PLA2G4B: variants seen among roughly 807,000 people sequenced by gnomAD.
The protein encoded by PLA2G4B is phospholipase A2 group IVB, also known as cytosolic phospholipase A2 beta.
Under a neutral mutation model 95.8 loss-of-function variants are expected in PLA2G4B, and 122 were observed. The observed-to-expected ratio is 1.27, with a 90% CI of 1.10 to 1.48. The LOEUF is 1.48. Among genes scored for constraint, PLA2G4B ranks in the 40% most tolerant of loss-of-function variants. The probability of loss-of-function intolerance (pLI) is 0.00; values close to 1 mark genes in which losing one functional copy is unlikely to be tolerated. For missense variants in PLA2G4B, 1,158 were observed against 996.2 expected (o/e 1.16, Z -2.19); for synonymous variants, 518 against 421.5 (o/e 1.23, Z -2.80).
Position 41,847,233 on chromosome 15 carries a change from C to T in PLA2G4B, c.1948-104C>T, listed in dbSNP as rs138283756. ...TGGCTTCATAGGCCCCACTGGAGAC[C>T]GTTTTGGCATTTGAGCCCCAGGTCC... On this transcript the variant is annotated intron_variant, in intron 18 of 19. Transcript: ENST00000458483. The T allele has an allele frequency of 2.0e-4, 290 of 1,480,778 alleles. No homozygotes were observed. In the African/African-American group the frequency reaches 3.2e-3, roughly 16 times the overall value. The allele number at this position is 1,480,778 out of a possible 1,614,324, so 91.7% of individuals were successfully genotyped here.
In PLA2G4B at chr15:41,843,712, C is replaced by A; in HGVS notation, c.780C>A (p.Pro260=). 1 of 1,613,974 alleles carries A rather than the reference C, an allele frequency of 6.2e-7. No individual in the cohort carries two copies. The highest frequency in any genetic ancestry group is 2.2e-5 in the East Asian group (1 of 44,876). Residue 260 remains proline (P), a synonymous_variant, in exon 11 of 20, where the codon CCC becomes CCA. Coordinates refer to ENST00000458483, the MANE Select transcript of PLA2G4B (RefSeq NM_001114633.2). The part of the protein sequence containing the change: ...RELAVRLGFG[P]CAEEQAFLSR... ...TGGCCGTGCGACTGGGCTTCGGGCC[C>A]TGTGCAGAGGAGCAGGCCTTCCTGA...
chr15:41,846,542 C>T, intron 17 of PLA2G4B, 127 bp from the exon 18 acceptor site: 1 of 1,507,404 alleles, frequency 6.6e-7, no homozygotes, highest in Non-Finnish European at 8.9e-7. Context: ...ACCCAGGGCC[C>T]ACCTGCAGGG....
rs1595424455 is a variant in PLA2G4B at position 41,845,777 on chromosome 15, T to G, written c.1495+2T>G. The G allele has an allele frequency of 6.3e-7, 1 of 1,590,548 alleles. No individual in the cohort carries two copies. The highest frequency in any genetic ancestry group is 8.6e-7 in the Non-Finnish European group (1 of 1,167,518). On this transcript the variant is annotated splice_donor_variant, in intron 15 of 19. Transcript: ENST00000458483. LOFTEE classifies it high-confidence loss of function. Reference sequence around the variant, plus strand: ...AGTCCCGCATCTGCTTCTTAGAAGGTGAGGGGCACTGGCAGGCTGGGGAAG... The same window carrying G: ...AGTCCCGCATCTGCTTCTTAGAAGGGGAGGGGCACTGGCAGGCTGGGGAAG...
In PLA2G4B at chr15:41,847,774, C is replaced by T. The variant is rs2140901441; in HGVS notation, c.2260C>T (p.His754Tyr). 2 of 1,613,720 alleles carry T rather than the reference C, an allele frequency of 1.2e-6. No individual in the cohort carries two copies. The highest frequency in any genetic ancestry group is 1.3e-5 in the African/African-American group (1 of 75,072). ...CGTGGACAAGCTGCTGCACCTGACA[C>T]ATTACAATGTCTGCAACAACCAGGA... is the stretch of plus-strand genomic sequence containing the variant. ...EDVDKLLHLT[H>Y]YNVCNNQEQL... is the part of the protein sequence containing the mutation. The change falls in exon 20 of 20, where the codon CAT (histidine) becomes TAT (tyrosine). Residue 754 changes from histidine (H) to tyrosine (Y), a missense_variant. Physicochemically the swap from His to Tyr is moderately conservative, Grantham distance 83. Coordinates refer to ENST00000458483, the MANE Select transcript of PLA2G4B (RefSeq NM_001114633.2).
chr15:41,847,952 C>T lies in PLA2G4B; in HGVS notation c.*92C>T, dbSNP rs186905161. ...GTCATCACGCAGTGCTTCAGAGCCT[C>T]GGGCTCAGGTGGCACGGTCCCAGGG... On this transcript the variant is annotated 3_prime_UTR_variant, in exon 20 of 20. Coordinates refer to ENST00000458483, the MANE Select transcript of PLA2G4B (RefSeq NM_001114633.2). The T allele has an allele frequency of 3.7e-4, 551 of 1,485,326 alleles. No individual in the cohort carries two copies. Among genetic ancestry groups the T allele is most frequent in the Admixed American group, 7.5e-4 (37 of 49,092 alleles). The allele number at this position is 1,485,326 out of a possible 1,614,324, so 92.0% of individuals were successfully genotyped here.
intron 13 of PLA2G4B, 33 bp from the exon 14 acceptor site, chr15:41,845,170 C>A (rs372013696): frequency 9.3e-6 from 15 of 1,613,198 alleles, no homozygotes; most frequent in Non-Finnish European, 1.3e-5. Context: ...ACCCAGGCCG[C>A]TGTGGGTTTA....
At position 41,842,546 on chromosome 15, in the gene PLA2G4B, GT is replaced by G; in HGVS notation, c.706-4del. 2 of 1,611,056 alleles carry G rather than the reference GT, an allele frequency of 1.2e-6. No individual in the cohort carries two copies. The highest frequency in any genetic ancestry group is 8.5e-7 in the Non-Finnish European group (1 of 1,179,198). The stretch of plus-strand genomic sequence containing the variant: ...ACCTTTTGTGACTGGGGCCTTCACG[GT>G]TTTCAGGAGCCCCTGATGAGAGTGG... On this transcript the variant is annotated splice_region_variant and splice_polypyrimidine_tract_variant and intron_variant, in intron 9 of 19. Coordinates refer to ENST00000458483, the MANE Select transcript of PLA2G4B (RefSeq NM_001114633.2).
At chr15:41,847,286 G>A in intron 18 of PLA2G4B, 51 bp from the exon 19 acceptor site, 1 of 1,544,786 alleles carries the variant, frequency 6.5e-7, no homozygotes, top group Non-Finnish European at 8.7e-7. Flanking sequence ...CCCCAGTGTT[G>A]AGGATGCCAG....
At position 41,847,563 on chromosome 15, in the gene PLA2G4B, C is replaced by G. The variant is rs376008880; in HGVS notation, c.2134+40C>G. On this transcript the variant is annotated intron_variant, in intron 19 of 19. Coordinates refer to ENST00000458483, the MANE Select transcript of PLA2G4B (RefSeq NM_001114633.2). Reference sequence around the variant, plus strand: ...ACCTCCCCATCCTGCTGCCCCAGTCCCCCACACCTCCTCCGTCCCCTGTGC... The same window carrying G: ...ACCTCCCCATCCTGCTGCCCCAGTCGCCCACACCTCCTCCGTCCCCTGTGC... The G allele has an allele frequency of 2.7e-5, 44 of 1,605,086 alleles. No individual in the cohort carries two copies. In the African/African-American group the frequency reaches 4.9e-4, roughly 18 times the overall value.
chr15:41,846,292 C>A lies in PLA2G4B; in HGVS notation c.1690C>A (p.Arg564Ser). The change falls in exon 17 of 20, where the codon CGT becomes AGT. Residue 564 changes from arginine to serine, a missense_variant. Coordinates refer to ENST00000458483, the MANE Select transcript of PLA2G4B (RefSeq NM_001114633.2). ...AEFFTDLLTW[R>S]PLAQATHNFL... ...GTTTTTCACCGATCTTCTGACGTGGCGTCCACTGGCCCAGGCCACACATAA... is the reference window on the plus strand; with the variant it reads ...GTTTTTCACCGATCTTCTGACGTGGAGTCCACTGGCCCAGGCCACACATAA... The A allele has an allele frequency of 6.2e-7, 1 of 1,614,060 alleles. No individual in the cohort carries two copies. Among genetic ancestry groups the A allele is most frequent in the Non-Finnish European group, 8.5e-7 (1 of 1,179,944 alleles).
At position 41,843,755 on chromosome 15, in the gene PLA2G4B, G is replaced by T. The variant is rs1429238643; in HGVS notation, c.823G>T (p.Val275Leu). ...QAFLSRRKQV[V>L]AAALRQALQL... ...CTTCCTGAGCAGGAGGAAGCAGGTGGTGGCCGCGGCCTTGAGGCAGGCCCT... is the reference window on the plus strand; with the variant it reads ...CTTCCTGAGCAGGAGGAAGCAGGTGTTGGCCGCGGCCTTGAGGCAGGCCCT... The change falls in exon 11 of 20, where the codon GTG becomes TTG. Residue 275 changes from valine to leucine, a missense_variant. Val to Leu is a conservative substitution (Grantham distance 32). Coordinates refer to ENST00000458483, the MANE Select transcript of PLA2G4B (RefSeq NM_001114633.2). 2 of 1,613,868 alleles carry T rather than the reference G, an allele frequency of 1.2e-6. No individual in the cohort carries two copies. Among genetic ancestry groups the T allele is most frequent in the South Asian group, 2.2e-5 (2 of 91,078 alleles).
chr15:41,841,484 GTTA>G, intron 6 of PLA2G4B, 30 bp from the exon 7 acceptor site: 1 of 1,613,936 alleles, frequency 6.2e-7, no homozygotes, highest in Non-Finnish European at 8.5e-7. Context: ...GGGGGGTGGG[GTTA>G]GTGTCTGAGG....
In PLA2G4B at chr15:41,847,677, A is replaced by C; in HGVS notation, c.2163A>C (p.Ala721=). The C allele has an allele frequency of 1.2e-6, 2 of 1,613,626 alleles. No homozygotes were observed. The highest frequency in any genetic ancestry group is 1.7e-6 in the Non-Finnish European group (2 of 1,180,026). ...PGVRRTPEEA[A]AGEVNLSSSD... ...TCCGGCGGACACCCGAGGAGGCGGC[A>C]GCTGGGGAGGTGAACCTGTCTTCAT... Residue 721 remains alanine (A), a synonymous_variant, in exon 20 of 20, where the codon GCA becomes GCC. Coordinates refer to ENST00000458483, the MANE Select transcript of PLA2G4B (RefSeq NM_001114633.2).
chr15:41,841,694 G>A, intron 7 of PLA2G4B, 123 bp downstream of exon 7: 1 of 1,563,416 alleles, frequency 6.4e-7, no homozygotes. Context: ...GACTGTGGTG[G>A]GGGATCCATC....
At position 41,845,236 on chromosome 15, in the gene PLA2G4B, G is replaced by T; in HGVS notation, c.1273G>T (p.Ala425Ser). ...TCACAAGCTCTCAGATCAACGGGAGGCCCTGAGTCATGGCCAGAACCCTCT... is the reference window on the plus strand; with the variant it reads ...TCACAAGCTCTCAGATCAACGGGAGTCCCTGAGTCATGGCCAGAACCCTCT... ...HDHKLSDQRE[A>S]LSHGQNPLPI... The change falls in exon 14 of 20, where the codon GCC becomes TCC. Residue 425 changes from alanine (A) to serine (S), a missense_variant. Ala to Ser is a moderately conservative substitution (Grantham distance 99). Coordinates refer to ENST00000458483, the MANE Select transcript of PLA2G4B (RefSeq NM_001114633.2). 1 of 1,614,186 alleles carries T rather than the reference G, an allele frequency of 6.2e-7. No homozygotes were observed. The highest frequency in any genetic ancestry group is 8.5e-7 in the Non-Finnish European group (1 of 1,180,008).
At position 41,842,556 on chromosome 15, in the gene PLA2G4B, G is replaced by T; in HGVS notation, c.708G>T (p.Glu236Asp). The change falls in exon 10 of 20, where the codon GAG becomes GAT. Residue 236 changes from glutamate to aspartate, a missense_variant and splice_region_variant. Coordinates refer to ENST00000458483, the MANE Select transcript of PLA2G4B (RefSeq NM_001114633.2). ...VVRLVFPTSQ[E>D]PLMRVELKKE... ...ACTGGGGCCTTCACGGTTTTCAGGA[G>T]CCCCTGATGAGAGTGGAGCTGAAAA... 6.2e-7 allele frequency: 1 copy of T among 1,610,820 alleles called. No individual in the cohort carries two copies.
rs763797001 is a variant in PLA2G4B at position 41,840,678 on chromosome 15, G to A, written c.219+18G>A. 10 of 1,610,338 alleles carry A rather than the reference G, an allele frequency of 6.2e-6. No homozygotes were observed. Among genetic ancestry groups the A allele is most frequent in the Middle Eastern group, 1.7e-4 (1 of 6,034 alleles). ...AGCTCAAGGTGGGCCAGGCATCAGC[G>A]CTGACTCTACCCACATCCTCGCCAG... On this transcript the variant is annotated intron_variant, in intron 3 of 19. Coordinates refer to ENST00000458483, the MANE Select transcript of PLA2G4B (RefSeq NM_001114633.2).
At chr15:41,847,064 G>T (rs576974378) in intron 18 of PLA2G4B, among the ~76,000 whole-genome samples, 13 of 152,306 alleles carry the variant, frequency 8.5e-5, no homozygotes, top group African/African-American at 3.1e-4. Context: ...TGCGAGGTGT[G>T]GTCCTGGGCC....
At chr15:41,842,614 G>T in intron 10 of PLA2G4B, 23 bp downstream of exon 10, 1 of 1,606,874 alleles carries the variant, frequency 6.2e-7, no homozygotes, top group Non-Finnish European at 8.5e-7. Context: ...GCTGGGGACT[G>T]GGCAAGGCCC....
Sources: gnomAD v4.1 joint callset for allele counts (sites outside exome capture counted in the v4.1 genomes callset) on GRCh38, gnomAD v4.1.1 for gene constraint, MANE v1.5 for transcripts, NCBI Gene and HGNC (gene_info 2026-07-23, HGNC 2026-07-21) for gene names.